The following ALLC variants were observed in gnomAD, a reference collection of about 807,000 sequenced individuals.
ALLC encodes probable inactive allantoicase.
A neutral mutation model predicts 45.0 loss-of-function variants in ALLC; 40 were observed. That is an observed-to-expected ratio of 0.89 (90% CI 0.69 to 1.16). The LOEUF is 1.16. Among genes scored for constraint, ALLC ranks in the 50% most tolerant of loss-of-function variants. ALLC has a pLI of 0.00. For missense variants in ALLC, 488 were observed against 493.1 expected (o/e 0.99, Z 0.10); for synonymous variants, 176 against 178.1 (o/e 0.99, Z 0.09).
chr2:3,651,101 C>G, the ALLC span, among the ~76,000 whole-genome samples: 2 of 151,952 alleles, frequency 1.3e-5, no homozygotes, highest in South Asian at 2.1e-4. Context: ...TTTCTCAGAG[C>G]CCTCTGAAGC....
chr2:3,701,772 C>G (rs1164116819), intron 11 of ALLC, 136 bp downstream of exon 11: 3 of 1,088,144 alleles, frequency 2.8e-6, no homozygotes, highest in Non-Finnish European at 3.7e-6. Flanking sequence ...AAACCCCTAT[C>G]TGCAAACTTT....
chr2:3,678,050 C>T (rs561704214), intron 3 of ALLC, among the ~76,000 whole-genome samples: 62 of 152,294 alleles, frequency 4.1e-4, no homozygotes, highest in African/African-American at 1.4e-3. Context: ...CACCTGGACC[C>T]TGAGCGTCCA....
Position 3,680,128 on chromosome 2 carries a change from G to A in ALLC, c.298+134G>A, listed in dbSNP as rs1667137799. Reference sequence around the variant, plus strand: ...GGCGCTTGACTAAGGCTACTTTACTGTAACGGGGCTGTAGGACCAGGACTC... The same window carrying A: ...GGCGCTTGACTAAGGCTACTTTACTATAACGGGGCTGTAGGACCAGGACTC... On this transcript the variant is annotated intron_variant, in intron 5 of 11. Coordinates refer to ENST00000252505, the MANE Select transcript of ALLC (RefSeq NM_018436.4). This position sits in a 1 kb window ranked among gnomAD's most constrained non-coding sequence, Gnocchi z 4.0. 3 of 1,256,572 alleles carry A rather than the reference G, an allele frequency of 2.4e-6. No homozygotes were observed. Among genetic ancestry groups the A allele is most frequent in the Admixed American group, 2.1e-5 (1 of 46,676 alleles). 77.8% of individuals were successfully genotyped at this position (1,256,572 alleles called of 1,614,324 possible).
chr2:3,680,786 G>C lies in ALLC; in HGVS notation c.298+792G>C, dbSNP rs983454919. ...GAGGGCGGTGTGCGTCACAGCCTCT[G>C]ATTTGTGCGATAATATCAAGGTTGA... On this transcript the variant is annotated intron_variant, in intron 5 of 11. Transcript: ENST00000252505. The surrounding 1 kb of genome is among the most constrained non-coding windows in gnomAD (Gnocchi z 4.0). 5.3e-5 allele frequency among the ~76,000 whole-genome samples: 8 copies of C among 152,138 alleles called. No homozygotes were observed. Among genetic ancestry groups the C allele is most frequent in the African/African-American group, 1.9e-4 (8 of 41,426 alleles).
intron 9 of ALLC, 24 bp from the exon 10 acceptor site, chr2:3,697,324 A>G: frequency 6.2e-7 from 1 of 1,600,266 alleles, no homozygotes; most frequent in Non-Finnish European, 8.6e-7. Flanking sequence ...TTCGTTTACC[A>G]TTTTCTTCTC....
At chr2:3,691,683 A>C (rs1667522529) in intron 7 of ALLC, among the ~76,000 whole-genome samples, 1 of 152,138 alleles carries the variant, frequency 6.6e-6, no homozygotes, top group African/African-American at 2.4e-5. Context: ...AAAGTTTTCT[A>C]TTATTTCTTT....
chr2:3,656,455 GCCGCATGTGGCTGTTGGGCACTAGAA>G (rs566932152), upstream of ALLC, among the ~76,000 whole-genome samples: 14 of 152,382 alleles, frequency 9.2e-5, no homozygotes, highest in African/African-American at 3.1e-4. Flanking sequence ...TGTCGCCTCT[GCCGCATGTGGCTGTTGGGCACTAGAA>G]ACTTACCTCA....
chr2:3,676,654 G>A (rs1667031782), intron 3 of ALLC, among the ~76,000 whole-genome samples: 1 of 152,198 alleles, frequency 6.6e-6, no homozygotes, highest in South Asian at 2.1e-4. Flanking sequence ...TGTCATCGTG[G>A]TCCATTTTAT....
chr2:3,701,268 C>T (rs1667823511), intron 10 of ALLC, among the ~76,000 whole-genome samples: 1 of 152,146 alleles, frequency 6.6e-6, no homozygotes, highest in Admixed American at 6.6e-5. Flanking sequence ...TGCGCCAGCC[C>T]CTTCACATAT....
the ALLC span, among the ~76,000 whole-genome samples, chr2:3,652,580 A>ATTTT: frequency 4.3e-4 from 40 of 93,350 alleles, no homozygotes; most frequent in African/African-American, 5.2e-4. Context: ...AAACTTTGTG[A>ATTTT]TTTTTTTTTT....
At chr2:3,693,879 T>C (rs1667588147) in intron 7 of ALLC, among the ~76,000 whole-genome samples, 1 of 152,042 alleles carries the variant, frequency 6.6e-6, no homozygotes, top group East Asian at 1.9e-4. Flanking sequence ...TCCCGGCTAG[T>C]TGGGAGGCTG....
At chr2:3,656,369 C>T (rs80212323), upstream of ALLC, among the ~76,000 whole-genome samples, 10,693 of 152,300 alleles carry the variant, frequency 0.07, 443 homozygotes, top group East Asian at 0.11. Flanking sequence ...CTCTTGTTCT[C>T]CTCCCGCCCC....
In ALLC at chr2:3,680,732, C is replaced by A. The variant is rs576307713; in HGVS notation, c.298+738C>A. On this transcript the variant is annotated intron_variant, in intron 5 of 11. Transcript: ENST00000252505. The surrounding 1 kb of genome is among the most constrained non-coding windows in gnomAD (Gnocchi z 4.0). ...AAAGGGTCTGCGTGCTCCAGCGGGA[C>A]AACTGAAGGCAGCCTCCAGAACAGG... 3.9e-5 allele frequency among the ~76,000 whole-genome samples: 6 copies of A among 152,258 alleles called. No homozygotes were observed. Among genetic ancestry groups the A allele is most frequent in the Admixed American group, 6.5e-5 (1 of 15,302 alleles).
chr2:3,697,099 A>G (rs1232192059), intron 9 of ALLC, among the ~76,000 whole-genome samples: 1 of 152,232 alleles, frequency 6.6e-6, no homozygotes, highest in Non-Finnish European at 1.5e-5. Flanking sequence ...AGGGATCTAT[A>G]ATTGACATAG....
At chr2:3,657,240 G>T (rs13418767), upstream of ALLC, among the ~76,000 whole-genome samples, 21,140 of 152,106 alleles carry the variant, frequency 0.14, 1,795 homozygotes, top group African/African-American at 0.24. Context: ...GCTGGGGTTG[G>T]GGGTGGGGTT....
intron 7 of ALLC, chr2:3,694,812 A>G (rs937312548): frequency 6.6e-6 from 1 of 152,226 alleles, no homozygotes; most frequent in Non-Finnish European, 1.5e-5. Flanking sequence ...ATGTTTTAGT[A>G]CAATATTTTG....
At chr2:3,673,714 G>A (rs1174173715) in intron 2 of ALLC, among the ~76,000 whole-genome samples, 3 of 152,200 alleles carry the variant, frequency 2.0e-5, no homozygotes, top group South Asian at 2.1e-4. Flanking sequence ...GGCCCCAACC[G>A]CATACGTAAC....
In ALLC at chr2:3,683,039, A is replaced by ATTCCCAGCG. The variant is rs1558542613; in HGVS notation, c.476_477insTTCCCAGCG (p.Gln159delinsHisSerGlnArg). ...AACTATTTTCTTGTCAATTCCCAGC[A>ATTCCCAGCG]GAGATGGACTCATATCAGACTCAAC... On this transcript the variant is annotated protein_altering_variant, in exon 7 of 12. Coordinates refer to ENST00000252505, the MANE Select transcript of ALLC (RefSeq NM_018436.4). 4 of 1,614,038 alleles carry ATTCCCAGCG rather than the reference A, an allele frequency of 2.5e-6. No individual in the cohort carries two copies. The East Asian group carries it at 6.7e-5, about 27-fold the overall frequency.
At chr2:3,673,135 G>A (rs1666937154) in intron 2 of ALLC, among the ~76,000 whole-genome samples, 1 of 152,268 alleles carries the variant, frequency 6.6e-6, no homozygotes, top group Non-Finnish European at 1.5e-5. Context: ...CAGGGATGAG[G>A]TGCAGGGTGG....
Sources: gnomAD v4.1 joint callset for allele counts (sites outside exome capture counted in the v4.1 genomes callset) on GRCh38, gnomAD v4.1.1 for gene constraint, Gnocchi (gnomAD v3.1) non-coding constraint, MANE v1.5 for transcripts, NCBI Gene and HGNC (gene_info 2026-07-23, HGNC 2026-07-21) for gene names.